The following RIF1 variants were observed in gnomAD, a reference collection of about 807,000 sequenced individuals.
The protein encoded by RIF1 is replication timing regulatory factor 1, also known as telomere-associated protein RIF1.
In RIF1, 45 loss-of-function variants were observed where a neutral mutation model predicts 247.1. The observed-to-expected ratio is 0.18, with a 90% CI of 0.14 to 0.23. RIF1 has a LOEUF of 0.23. RIF1 is among the 10% of genes least tolerant of loss of function. The pLI, the probability that RIF1 is intolerant of heterozygous loss-of-function variation, is 1.00. For synonymous variants in RIF1, 1,087 were observed against 978.8 expected (o/e 1.11, Z -2.06); for missense variants, 2,967 against 2,862.5 (o/e 1.04, Z -0.83).
At chr2:151,486,310 A>G (rs1313180493), downstream of RIF1, 1 of 184,196 alleles carries the variant, frequency 5.4e-6, no homozygotes, top group South Asian at 1.2e-4. Context: ...ATACCCCTTC[A>G]CACATGCCAG....
Position 151,415,119 on chromosome 2 carries a change from G to A in RIF1, c.280+200G>A, listed in dbSNP as rs531325956. Among the ~76,000 whole-genome samples the A allele has an allele frequency of 5.7e-4, 86 of 151,984 alleles. 1 individual carries two copies. The highest frequency in any genetic ancestry group is 1.6e-3 in the African/African-American group (68 of 41,450). On this transcript the variant is annotated intron_variant, in intron 4 of 35. Coordinates refer to ENST00000444746, the MANE Select transcript of RIF1 (RefSeq NM_018151.5). ...TCCTAGCACTTTGGGAGGCCGAGGCGGGTGGATCATGAGGTCAGGAGATCG... is the reference window on the plus strand; with the variant it reads ...TCCTAGCACTTTGGGAGGCCGAGGCAGGTGGATCATGAGGTCAGGAGATCG...
chr2:151,455,631 T>C, intron 22 of RIF1, among the ~76,000 whole-genome samples: 1 of 149,548 alleles, frequency 6.7e-6, no homozygotes, highest in East Asian at 1.9e-4. Flanking sequence ...TTGTATTAGA[T>C]ATTATAAGGA....
intron 9 of RIF1, among the ~76,000 whole-genome samples, chr2:151,430,514 G>T (rs993549751): frequency 1.3e-5 from 2 of 151,962 alleles, no homozygotes; most frequent in Non-Finnish European, 2.9e-5. Flanking sequence ...TAGAGACAAG[G>T]TTTCACCATA....
In RIF1 at chr2:151,479,885, G is replaced by A. The variant is rs1448373852; in HGVS notation, c.*4814G>A. ...TGATCTGTAAAACAAATTGGGTTTC[G>A]TGCTTTCTGATGTCCAGTTAATAAG... On this transcript the variant is annotated 3_prime_UTR_variant, in exon 36 of 36. Transcript: ENST00000444746. 2 of 152,122 alleles carry A rather than the reference G, an allele frequency of 1.3e-5. No homozygotes were observed. Among genetic ancestry groups the A allele is most frequent in the South Asian group, 2.1e-4 (1 of 4,832 alleles). 9.4% of individuals were successfully genotyped at this position (152,122 alleles called of 1,614,324 possible).
intron 19 of RIF1, 39 bp downstream of exon 19, chr2:151,445,484 A>G (rs1385274550): frequency 4.0e-6 from 4 of 1,002,178 alleles, no homozygotes; most frequent in Non-Finnish European, 3.2e-6. Context: ...AGGGATTTGT[A>G]TTTTTCTGAA....
At chr2:151,426,977 A>T (rs1689209870) in intron 8 of RIF1, among the ~76,000 whole-genome samples, 1 of 151,876 alleles carries the variant, frequency 6.6e-6, no homozygotes, top group African/African-American at 2.4e-5. Flanking sequence ...GCAGTGCTTC[A>T]TAATTTTCAT....
chr2:151,446,565 A>G lies in RIF1; in HGVS notation c.2234A>G (p.Glu745Gly), dbSNP rs201442090. ...AAGATAATGTCCAGTTTGGAAGATG[A>G]AGGCTTTTCTGTGAGTTTGTCCTGA... ...SSKIMSSLEDEGFSNLLFVDR... is the reference protein window; with the variant it reads ...SSKIMSSLEDGGFSNLLFVDR... The change falls in exon 20 of 36, where the codon GAA becomes GGA. Residue 745 changes from glutamate to glycine, a missense_variant. Around this residue, in one of 7 missense-constraint regions of RIF1, gnomAD observed 2,028 missense variants for 1,825.6 expected, o/e 1.11. Coordinates refer to ENST00000444746, the MANE Select transcript of RIF1 (RefSeq NM_018151.5). 4.0e-5 allele frequency: 65 copies of G among 1,612,304 alleles called. No individual in the cohort carries two copies. The African/African-American group carries it at 7.5e-4, about 19-fold the overall frequency.
chr2:151,439,347 A>G (rs1206544950), intron 14 of RIF1, among the ~76,000 whole-genome samples: 2 of 152,086 alleles, frequency 1.3e-5, no homozygotes, highest in Non-Finnish European at 2.9e-5. Context: ...CTGTATAGTC[A>G]TCTCTAAAAT....
chr2:151,507,002 C>T (rs746303798), intron 13 of RIF1: 1 of 1,593,076 alleles, frequency 6.3e-7, no homozygotes, highest in Non-Finnish European at 8.6e-7. Context: ...TAAGGTCACA[C>T]TGGTATTGGA....
Position 151,468,542 on chromosome 2 carries a change from G to A in RIF1, c.6816G>A (p.Lys2272=), listed in dbSNP as rs1697311782. The A allele has an allele frequency of 1.2e-6, 2 of 1,612,822 alleles. No homozygotes were observed. The highest frequency in any genetic ancestry group is 1.7e-6 in the Non-Finnish European group (2 of 1,178,880). The change falls in exon 32 of 36, where the codon AAG becomes AAA. Residue 2272 remains lysine, a synonymous_variant. Transcript: ENST00000444746. The part of the protein sequence containing the change: ...GSRSPKFKSS[K]KCLISEMAKE... ...GTAGCCCTAAATTTAAGAGCTCAAA[G>A]AAGTGTTTAGTAAGAAGTGCTTTAG...
chr2:151,472,027 G>T (rs2048574745), intron 34 of RIF1, among the ~76,000 whole-genome samples: 1 of 152,110 alleles, frequency 6.6e-6, no homozygotes, highest in Admixed American at 6.5e-5. Flanking sequence ...CCATTTGTTT[G>T]TGTCCTCTTT....
intron 6 of RIF1, among the ~76,000 whole-genome samples, chr2:151,418,676 A>G (rs1687629645): frequency 6.6e-6 from 1 of 152,142 alleles, no homozygotes; most frequent in African/African-American, 2.4e-5. Context: ...GGAGTTTGAG[A>G]GCAGCCTGGC....
chr2:151,456,135 G>A (rs946410789), intron 22 of RIF1, among the ~76,000 whole-genome samples: 2 of 152,080 alleles, frequency 1.3e-5, no homozygotes, highest in South Asian at 2.1e-4. Context: ...CATTTTGAAA[G>A]GATTCATGAA....
chr2:151,420,179 C>G lies in RIF1; in HGVS notation c.504-11C>G, dbSNP rs778941688. The G allele has an allele frequency of 1.2e-6, 2 of 1,602,512 alleles. No homozygotes were observed. The highest frequency in any genetic ancestry group is 3.4e-5 in the Admixed American group (2 of 59,070). On this transcript the variant is annotated splice_polypyrimidine_tract_variant and intron_variant, in intron 6 of 35. Transcript: ENST00000444746. ...GGTCACGCTAATTATTCATTGATTT[C>G]TCTATTATAGGCTAATTGAACAAGC... is the stretch of plus-strand genomic sequence containing the variant.
the RIF1 span, chr2:151,514,998 A>C: frequency 2.0e-6 from 2 of 987,122 alleles, no homozygotes; most frequent in African/African-American, 1.7e-5. Context: ...CCATCTCAGG[A>C]AGAAAAAAAA....
chr2:151,501,731 G>A (rs116296071), intron 11 of RIF1, among the ~76,000 whole-genome samples: 2,260 of 152,156 alleles, frequency 0.015, 80 homozygotes, highest in East Asian at 0.14. Context: ...CTTGACTTAT[G>A]TAGGCCTTCT....
rs1218073575 is a variant in RIF1, at chr2:151,497,706, C to A, written c.*514-1639C>A. On this transcript the variant is annotated intron_variant and NMD_transcript_variant, in intron 10 of 13. Coordinates refer to the RIF1 transcript ENST00000454583. The stretch of plus-strand genomic sequence containing the variant: ...AAAGGGGTTCCCTTGCCCATGTTTT[C>A]TTTGTATAACACCTGTGCGATAAGA... 6.3e-7 allele frequency: 1 copy of A among 1,577,550 alleles called. No homozygotes were observed. The highest frequency in any genetic ancestry group is 8.6e-7 in the Non-Finnish European group (1 of 1,159,346).
Position 151,469,856 on chromosome 2 carries a change from G to T in RIF1, c.7087G>T (p.Glu2363Ter). 6.3e-7 allele frequency: 1 copy of T among 1,598,902 alleles called. No individual in the cohort carries two copies. Among genetic ancestry groups the T allele is most frequent in the South Asian group, 1.1e-5 (1 of 87,984 alleles). The part of the protein sequence containing the change: ...NVKKALRIYH[E>*]QQVKTRGLEE... ...AAAAAAGGCTCTCAGAATATATCATGAGCAGCAGGTAAAAACTTAGATATT... is the reference window on the plus strand; with the variant it reads ...AAAAAAGGCTCTCAGAATATATCATTAGCAGCAGGTAAAAACTTAGATATT... The change falls in exon 34 of 36, where the codon GAG becomes TAG. Residue 2363 changes from glutamate (E) to a stop codon, truncating the protein, a stop_gained. Transcript: ENST00000444746. LOFTEE classifies it high-confidence loss of function.
chr2:151,462,122 C>T (rs555201213), intron 27 of RIF1, 120 bp from the exon 28 acceptor site: 17 of 556,404 alleles, frequency 3.1e-5, no homozygotes, highest in Non-Finnish European at 1.2e-5. Context: ...GCCCACCCAC[C>T]TCAACCTCCC....
Sources: gnomAD v4.1 joint callset for allele counts (sites outside exome capture counted in the v4.1 genomes callset) on GRCh38, gnomAD v4.1.1 for gene constraint, gnomAD v4.1.1 regional missense constraint, MANE v1.5 for transcripts, NCBI Gene and HGNC (gene_info 2026-07-23, HGNC 2026-07-21) for gene names.